PCDH15: variants seen among roughly 807,000 people sequenced by gnomAD.
PCDH15 encodes protocadherin related 15, also known as protocadherin-15.
PCDH15 carries 129 observed loss-of-function variants against 178.5 expected under a neutral mutation model. The observed-to-expected ratio is 0.72, with a 90% CI of 0.63 to 0.84. The LOEUF (loss-of-function observed/expected upper bound fraction) is 0.84, where lower values mean the gene tolerates loss of function less well. PCDH15 is among the 40% of genes least tolerant of loss of function. PCDH15 has a pLI of 0.00. For synonymous variants in PCDH15, 800 were observed against 732.0 expected (o/e 1.09, Z -1.50); for missense variants, 2,230 against 2,099.9 (o/e 1.06, Z -1.21).
intron 2 of PCDH15, among the ~76,000 whole-genome samples, chr10:54,940,633 G>C (rs1838038062): frequency 6.6e-6 from 1 of 152,002 alleles, no homozygotes; most frequent in South Asian, 2.1e-4. Flanking sequence ...AGTGGACACT[G>C]CAGCCTGCAG....
intron 1 of PCDH15, among the ~76,000 whole-genome samples, chr10:55,236,915 A>G (rs146027762): frequency 6.6e-6 from 1 of 151,576 alleles, no homozygotes; most frequent in African/African-American, 2.4e-5. Context: ...GCAGAAATAG[A>G]TTAGCTTGGT....
chr10:54,918,145 T>A lies in PCDH15; in HGVS notation c.-79-20645A>T, dbSNP rs984266411. ...CTTGCTTTTCTAGCTTGTTAAGGCC[T>A]TTATTTTGAGAAATTATGACCATAC... On this transcript the variant is annotated intron_variant, in intron 2 of 5. Coordinates refer to the PCDH15 transcript ENST00000458638. Among the ~76,000 whole-genome samples the A allele has an allele frequency of 3.3e-5, 5 of 152,288 alleles. No individual in the cohort carries two copies. In the East Asian group the frequency reaches 9.7e-4, roughly 29 times the overall value.
intron 2 of PCDH15, among the ~76,000 whole-genome samples, chr10:54,988,386 A>G (rs1307940862): frequency 6.6e-6 from 1 of 152,116 alleles, no homozygotes; most frequent in Admixed American, 6.5e-5. Context: ...ACAAGCAGGG[A>G]TTGGAACAGT....
intron 1 of PCDH15, among the ~76,000 whole-genome samples, chr10:54,798,735 C>T (rs1426085475): frequency 2.0e-5 from 3 of 152,006 alleles, no homozygotes; most frequent in Non-Finnish European, 4.4e-5. Flanking sequence ...TCCTTGTGTT[C>T]AAATCCTGAG....
chr10:55,395,192 TGTGTGAGAGAGA>T (rs1438939424), intron 2 of PCDH15, among the ~76,000 whole-genome samples: 1 of 89,064 alleles, frequency 1.1e-5, no homozygotes, highest in Non-Finnish European at 2.3e-5. Context: ...TGTGTGTGTG[TGTGTGAGAGAGA>T]GAGAGAGAGA....
At chr10:55,157,816 A>G (rs1322003815) in intron 2 of PCDH15, among the ~76,000 whole-genome samples, 1 of 151,528 alleles carries the variant, frequency 6.6e-6, no homozygotes, top group African/African-American at 2.4e-5. Flanking sequence ...GGGGTGGGGG[A>G]AGGGGGGAGG....
intron 2 of PCDH15, among the ~76,000 whole-genome samples, chr10:54,903,145 T>A (rs765172264): frequency 6.6e-6 from 1 of 151,978 alleles, no homozygotes; most frequent in Non-Finnish European, 1.5e-5. Context: ...GTTGGAGGTA[T>A]GAAGGAGGAA....
intron 1 of PCDH15, among the ~76,000 whole-genome samples, chr10:55,194,167 C>T (rs1055253476): frequency 5.3e-5 from 8 of 152,000 alleles, no homozygotes; most frequent in South Asian, 2.1e-4. Flanking sequence ...CTTACATTTG[C>T]AGAGCATTGA....
At chr10:55,331,259 C>T (rs1844191689) in intron 2 of PCDH15, among the ~76,000 whole-genome samples, 1 of 151,726 alleles carries the variant, frequency 6.6e-6, no homozygotes. Flanking sequence ...TTGGGTATTT[C>T]CTATTGATAT....
chr10:55,069,125 C>T (rs1841648354), intron 2 of PCDH15, among the ~76,000 whole-genome samples: 1 of 150,552 alleles, frequency 6.6e-6, no homozygotes, highest in Admixed American at 6.7e-5. Context: ...AAGCTGGTCT[C>T]GAACTCCTGT....
chr10:55,500,326 T>C (rs1488511843), intron 2 of PCDH15, among the ~76,000 whole-genome samples: 3 of 151,526 alleles, frequency 2.0e-5, no homozygotes, highest in Non-Finnish European at 4.4e-5. Flanking sequence ...GTTGAAGCAA[T>C]TACATGAAAC....
At chr10:55,429,828 T>C (rs1383711555) in intron 2 of PCDH15, among the ~76,000 whole-genome samples, 1 of 152,194 alleles carries the variant, frequency 6.6e-6, no homozygotes, top group Non-Finnish European at 1.5e-5. Context: ...TAAGTAATCA[T>C]TTATAATAAA....
chr10:54,199,615 G>A (rs2133962688), intron 10 of PCDH15, among the ~76,000 whole-genome samples: 1 of 130,454 alleles, frequency 7.7e-6, no homozygotes, highest in African/African-American at 2.8e-5. Context: ...GCTCGTTAGT[G>A]GGCCCATGCA....
chr10:54,755,664 G>A (rs1946976873), intron 1 of PCDH15, among the ~76,000 whole-genome samples: 1 of 151,918 alleles, frequency 6.6e-6, no homozygotes, highest in African/African-American at 2.4e-5. Flanking sequence ...TATGAATTAT[G>A]AATTAATCTA....
intron 13 of PCDH15, among the ~76,000 whole-genome samples, chr10:54,176,492 T>G (rs1175137701): frequency 1.3e-5 from 2 of 152,098 alleles, no homozygotes; most frequent in Non-Finnish European, 2.9e-5. Flanking sequence ...AGTTACAGAA[T>G]AAGAAGAATA....
intron 2 of PCDH15, among the ~76,000 whole-genome samples, chr10:54,900,977 G>A (rs560689275): frequency 3.2e-4 from 49 of 152,296 alleles, no homozygotes; most frequent in Non-Finnish European, 4.1e-4. Flanking sequence ...GGTATCATTT[G>A]TGCTCTAGAC....
At chr10:54,095,091 T>A (rs942189519) in intron 15 of PCDH15, among the ~76,000 whole-genome samples, 1 of 152,210 alleles carries the variant, frequency 6.6e-6, no homozygotes, top group Non-Finnish European at 1.5e-5. Context: ...ACAAAGTAAC[T>A]GCCCTTAGGG....
chr10:54,480,705 G>A (rs970242638), intron 3 of PCDH15, among the ~76,000 whole-genome samples: 5 of 151,792 alleles, frequency 3.3e-5, no homozygotes, highest in African/African-American at 1.2e-4. Context: ...GCCAAGGACT[G>A]GAATTTTGAA....
intron 3 of PCDH15, among the ~76,000 whole-genome samples, chr10:54,517,267 A>G (rs1351847637): frequency 6.6e-6 from 1 of 152,184 alleles, no homozygotes; most frequent in African/African-American, 2.4e-5. Flanking sequence ...CAGACTGGCA[A>G]ATTGGATAAA....
Sources: allele counts gnomAD v4.1 joint callset (sites outside exome capture counted in the v4.1 genomes callset), GRCh38; gene constraint gnomAD v4.1.1; transcripts MANE v1.5; gene names NCBI Gene and HGNC (gene_info 2026-07-23, HGNC 2026-07-21).